The following MPRIP variants were observed in gnomAD, a reference collection of about 807,000 sequenced individuals.
MPRIP encodes myosin phosphatase Rho interacting protein.
In MPRIP, 59 loss-of-function variants were observed where a neutral mutation model predicts 234.9. The observed-to-expected ratio is 0.25, with a 90% CI of 0.20 to 0.31. The LOEUF is 0.31. Among genes scored for constraint, MPRIP ranks in the 10% least tolerant of loss-of-function variants. The pLI, the probability that MPRIP is intolerant of heterozygous loss-of-function variation, is 1.00. For missense variants in MPRIP, 2,436 were observed against 3,071.0 expected (o/e 0.79, Z 4.89); for synonymous variants, 1,144 against 1,263.9 (o/e 0.91, Z 2.01).
rs2045998611 is a variant in MPRIP at position 17,166,419 on chromosome 17, G to A, written c.4828G>A (p.Ala1610Thr). 2 of 1,304,410 alleles carry A rather than the reference G, an allele frequency of 1.5e-6. No individual in the cohort carries two copies. Among genetic ancestry groups the A allele is most frequent in the Non-Finnish European group, 2.0e-6 (2 of 988,998 alleles). The allele number at this position is 1,304,410 out of a possible 1,614,324, so 80.8% of individuals were successfully genotyped here. ...ACAGCCACCGATGGAATCTGCTGGG[G>A]CCCCCGTAGACACCTGGGCCAGGAA... is the stretch of plus-strand genomic sequence containing the variant. Reference protein sequence around the residue: ...SGQPPMESAGAPVDTWARKVL... With the variant: ...SGQPPMESAGTPVDTWARKVL... Residue 1610 changes from alanine (A) to threonine (T), a missense_variant, in exon 16 of 24, where the codon GCC becomes ACC. Ala to Thr is a moderately conservative substitution (Grantham distance 58). This residue lies in a region of MPRIP where 1,998 missense variants were observed against 2,520.3 expected (regional missense o/e 0.79). Coordinates refer to ENST00000651222, the MANE Select transcript of MPRIP (RefSeq NM_001364716.4). This position sits in a 1 kb window ranked among gnomAD's most constrained non-coding sequence, Gnocchi z 4.4.
Position 17,097,978 on chromosome 17 carries a change from G to T in MPRIP, c.267+19902G>T, listed in dbSNP as rs551425797. On this transcript the variant is annotated intron_variant, in intron 3 of 23. Transcript: ENST00000651222. ...TTGAAAAAATCTTATTTTAGATCCT[G>T]TGTCATTCTTCTGCTATCAAACCAG... Among the ~76,000 whole-genome samples the T allele has an allele frequency of 3.9e-4, 60 of 152,268 alleles. No individual in the cohort carries two copies. The South Asian group carries it at 4.3e-3, about 11-fold the overall frequency.
At chr17:17,129,416 C>G (rs1178093743) in intron 4 of MPRIP, among the ~76,000 whole-genome samples, 1 of 152,200 alleles carries the variant, frequency 6.6e-6, no homozygotes. Flanking sequence ...TATAACACAT[C>G]TGGATGATGT....
intron 4 of MPRIP, among the ~76,000 whole-genome samples, chr17:17,129,513 C>T (rs765581397): frequency 2.6e-5 from 4 of 152,190 alleles, no homozygotes. Context: ...ATCTCTGCGA[C>T]TCCAGCCACA....
At position 17,166,562 on chromosome 17, in the gene MPRIP, C is replaced by T; in HGVS notation, c.4971C>T (p.Gly1657=). ...SGDGQQSIPQ[G]LAPILANATW... ...ACGGGCAGCAAAGCATCCCACAGGGCCTGGCCCCCATCCTGGCCAATGCCA... is the reference window on the plus strand; with the variant it reads ...ACGGGCAGCAAAGCATCCCACAGGGTCTGGCCCCCATCCTGGCCAATGCCA... Residue 1657 remains glycine (G), a synonymous_variant, in exon 16 of 24, where the codon GGC becomes GGT. Transcript: ENST00000651222. The surrounding 1 kb of genome is among the most constrained non-coding windows in gnomAD (Gnocchi z 4.4). The T allele has an allele frequency of 7.7e-7, 1 of 1,304,228 alleles. No individual in the cohort carries two copies. Among genetic ancestry groups the T allele is most frequent in the Non-Finnish European group, 1.0e-6 (1 of 988,972 alleles). The allele number at this position is 1,304,228 out of a possible 1,614,324, so 80.8% of individuals were successfully genotyped here.
chr17:17,128,173 C>T lies in MPRIP; in HGVS notation c.419+1320C>T, dbSNP rs188355820. 5.9e-5 allele frequency among the ~76,000 whole-genome samples: 9 copies of T among 152,300 alleles called. No homozygotes were observed. The East Asian group carries it at 1.4e-3, about 23-fold the overall frequency. Reference sequence around the variant, plus strand: ...GCTCACACCTGTTTCTGCTGTTGGCCGGGCAGCACACAGCCGAGGCTTCCT... The same window carrying T: ...GCTCACACCTGTTTCTGCTGTTGGCTGGGCAGCACACAGCCGAGGCTTCCT... On this transcript the variant is annotated intron_variant, in intron 4 of 23. Coordinates refer to ENST00000651222, the MANE Select transcript of MPRIP (RefSeq NM_001364716.4).
intron 1 of MPRIP, among the ~76,000 whole-genome samples, chr17:17,052,886 A>G (rs1185605424): frequency 6.6e-6 from 1 of 152,172 alleles, no homozygotes; most frequent in East Asian, 1.9e-4. Context: ...CACTGGATTT[A>G]ACAGACCCAC....
intron 3 of MPRIP, among the ~76,000 whole-genome samples, chr17:17,115,131 C>A (rs912580705): frequency 3.3e-5 from 5 of 152,254 alleles, no homozygotes; most frequent in African/African-American, 1.2e-4. Context: ...AGGCCCCCTC[C>A]TGCTAATCCA....
At chr17:17,082,635 C>A (rs1206114534) in intron 3 of MPRIP, among the ~76,000 whole-genome samples, 1 of 152,146 alleles carries the variant, frequency 6.6e-6, no homozygotes. Context: ...ACTGGAAATT[C>A]ACCATCTTAA....
At chr17:17,063,114 A>G (rs1270775779) in intron 1 of MPRIP, among the ~76,000 whole-genome samples, 1 of 152,182 alleles carries the variant, frequency 6.6e-6, no homozygotes, top group East Asian at 1.9e-4. Flanking sequence ...GCGTTGTCCT[A>G]GTGACCTGGG....
intron 3 of MPRIP, among the ~76,000 whole-genome samples, chr17:17,090,662 A>G (rs2089693951): frequency 1.3e-5 from 2 of 152,196 alleles, no homozygotes; most frequent in South Asian, 4.1e-4. Flanking sequence ...GTAGAGGTAA[A>G]AAGAAATCAC....
intron 16 of MPRIP, chr17:17,168,601 G>A: frequency 5.8e-6 from 2 of 345,322 alleles, no homozygotes; most frequent in South Asian, 4.4e-5. Context: ...AGGCCCTGGA[G>A]GTGGTGGTGG....
intron 4 of MPRIP, among the ~76,000 whole-genome samples, chr17:17,127,612 C>T (rs987915048): frequency 6.6e-6 from 1 of 152,244 alleles, no homozygotes; most frequent in Admixed American, 6.5e-5. Flanking sequence ...TTGGGCCTGA[C>T]AGGAGCTCAC....
intron 21 of MPRIP, 45 bp downstream of exon 21, chr17:17,176,557 T>G: frequency 2.2e-4 from 316 of 1,430,308 alleles, no homozygotes; most frequent in Non-Finnish European, 2.9e-4. Context: ...GAACAGGCTC[T>G]AGGTGACATG....
At chr17:17,117,720 T>C (rs1016215572) in intron 3 of MPRIP, among the ~76,000 whole-genome samples, 22 of 152,266 alleles carry the variant, frequency 1.4e-4, no homozygotes, top group Admixed American at 1.4e-3. Flanking sequence ...TTTGGGTATA[T>C]ATCCAGTAAT....
At chr17:17,086,478 G>A (rs1351965060) in intron 3 of MPRIP, among the ~76,000 whole-genome samples, 3 of 152,218 alleles carry the variant, frequency 2.0e-5, no homozygotes, top group Non-Finnish European at 2.9e-5. Context: ...GAACCAGTGC[G>A]GTGGAGTCTG....
chr17:17,092,740 C>A (rs202083433), intron 3 of MPRIP, among the ~76,000 whole-genome samples: 2 of 149,810 alleles, frequency 1.3e-5, no homozygotes, highest in East Asian at 3.9e-4. Context: ...TGTTCTCTAT[C>A]TCTCTCTCTC....
At chr17:17,070,871 C>G (rs946938532) in intron 1 of MPRIP, among the ~76,000 whole-genome samples, 1 of 152,218 alleles carries the variant, frequency 6.6e-6, no homozygotes, top group Non-Finnish European at 1.5e-5. Context: ...TTTGAACCTT[C>G]TCTTTCAGTG....
At chr17:17,088,327 C>T (rs996256341) in intron 3 of MPRIP, among the ~76,000 whole-genome samples, 1 of 152,218 alleles carries the variant, frequency 6.6e-6, no homozygotes, top group African/African-American at 2.4e-5. Context: ...TGACGGTACC[C>T]TGCAGCGTGA....
chr17:17,082,711 G>A (rs980139388), intron 3 of MPRIP, among the ~76,000 whole-genome samples: 3 of 152,094 alleles, frequency 2.0e-5, no homozygotes, highest in Non-Finnish European at 2.9e-5. Context: ...CACCACCACC[G>A]GTCTCTCTCC....
Sources: allele counts gnomAD v4.1 joint callset (sites outside exome capture counted in the v4.1 genomes callset), GRCh38; gene constraint gnomAD v4.1.1; regional missense constraint gnomAD v4.1.1; non-coding constraint Gnocchi (gnomAD v3.1); transcripts MANE v1.5; gene names NCBI Gene and HGNC (gene_info 2026-07-23, HGNC 2026-07-21).